MAML3: variants seen among roughly 807,000 people sequenced by gnomAD.
MAML3 encodes mastermind-like protein 3.
A neutral mutation model predicts 101.9 loss-of-function variants in MAML3; 27 were observed. The observed-to-expected ratio is 0.27, with a 90% CI of 0.20 to 0.37. MAML3 has a LOEUF of 0.37. Among genes scored for constraint, MAML3 ranks in the 10% least tolerant of loss-of-function variants. The probability of loss-of-function intolerance (pLI) is 1.00; values close to 1 mark genes in which losing one functional copy is unlikely to be tolerated. For missense variants in MAML3, 1,316 were observed against 1,444.9 expected, an observed-to-expected ratio of 0.91 and a Z score of 1.45; for synonymous variants, 501 against 555.9, an observed-to-expected ratio of 0.90 and a Z score of 1.39.
intron 2 of MAML3, among the ~76,000 whole-genome samples, chr4:139,789,181 T>C (rs1289750109): frequency 1.3e-5 from 2 of 152,172 alleles, no homozygotes; most frequent in African/African-American, 2.4e-5. Context: ...TCATAGGGTA[T>C]ACAAAATGCT....
intron 2 of MAML3, among the ~76,000 whole-genome samples, chr4:139,844,910 A>G (rs1731416278): frequency 6.6e-6 from 1 of 151,842 alleles, no homozygotes; most frequent in Non-Finnish European, 1.5e-5. Flanking sequence ...GGCTCACACT[A>G]TTCACCTTCC....
intron 2 of MAML3, among the ~76,000 whole-genome samples, chr4:139,830,604 C>T (rs965320306): frequency 4.0e-5 from 6 of 151,726 alleles, no homozygotes; most frequent in East Asian, 1.9e-4. Context: ...TTAGTAGAGA[C>T]GGGGTTTCAC....
intron 1 of MAML3, among the ~76,000 whole-genome samples, chr4:140,100,961 CCA>C (rs1346274118): frequency 1.3e-5 from 2 of 152,114 alleles, no homozygotes; most frequent in Non-Finnish European, 2.9e-5. Flanking sequence ...AATGGAGAAA[CCA>C]CATGGAATGG....
At chr4:140,085,158 C>G (rs936692971) in intron 1 of MAML3, among the ~76,000 whole-genome samples, 4 of 152,106 alleles carry the variant, frequency 2.6e-5, no homozygotes, top group African/African-American at 9.7e-5. Context: ...AGCCACAGCA[C>G]GAAGAAACAA....
At chr4:139,777,614 C>G (rs771460090) in intron 2 of MAML3, among the ~76,000 whole-genome samples, 1 of 152,240 alleles carries the variant, frequency 6.6e-6, no homozygotes, top group Non-Finnish European at 1.5e-5. Flanking sequence ...GAAGCCCTGA[C>G]TCCCTGGGTT....
At chr4:139,855,187 T>C (rs574605025) in intron 2 of MAML3, among the ~76,000 whole-genome samples, 1 of 152,314 alleles carries the variant, frequency 6.6e-6, no homozygotes, top group East Asian at 1.9e-4. Flanking sequence ...GTGTTACATG[T>C]TAAGCAATTC....
At chr4:140,115,512 G>A (rs1440544619) in intron 1 of MAML3, among the ~76,000 whole-genome samples, 2 of 152,164 alleles carry the variant, frequency 1.3e-5, no homozygotes, top group South Asian at 2.1e-4. Flanking sequence ...AAATTAATGA[G>A]TGCAGGAGAC....
At chr4:140,091,163 C>A (rs878942521) in intron 1 of MAML3, among the ~76,000 whole-genome samples, 1 of 152,216 alleles carries the variant, frequency 6.6e-6, no homozygotes, top group South Asian at 2.1e-4. Flanking sequence ...CTGGTAATTT[C>A]ATGAAGTCTG....
chr4:140,101,546 C>G (rs1339255945), intron 1 of MAML3, among the ~76,000 whole-genome samples: 1 of 152,162 alleles, frequency 6.6e-6, no homozygotes, highest in East Asian at 1.9e-4. Context: ...TAGAATTCTA[C>G]TCAGGAAGCC....
intron 1 of MAML3, among the ~76,000 whole-genome samples, chr4:140,033,282 A>G (rs1578651787): frequency 6.6e-6 from 1 of 152,244 alleles, no homozygotes; most frequent in Non-Finnish European, 1.5e-5. Context: ...AAAGATGACC[A>G]TGAATAGAGG....
chr4:140,057,044 A>C (rs1727360916), intron 1 of MAML3, among the ~76,000 whole-genome samples: 1 of 152,196 alleles, frequency 6.6e-6, no homozygotes, highest in Non-Finnish European at 1.5e-5. Flanking sequence ...AAGCATAATA[A>C]ATAACAAAGT....
chr4:139,968,503 A>G (rs943685989), intron 1 of MAML3, among the ~76,000 whole-genome samples: 1 of 152,106 alleles, frequency 6.6e-6, no homozygotes, highest in Non-Finnish European at 1.5e-5. Context: ...TTGGCAAGTC[A>G]GCAGGCAAAA....
intron 1 of MAML3, among the ~76,000 whole-genome samples, chr4:139,943,144 T>C (rs927766504): frequency 2.6e-5 from 4 of 152,198 alleles, no homozygotes; most frequent in East Asian, 1.9e-4. Context: ...ACTTAAAATA[T>C]AGGATTGTTT....
intron 1 of MAML3, among the ~76,000 whole-genome samples, chr4:140,053,512 G>A (rs1000654452): frequency 3.9e-5 from 6 of 152,020 alleles, no homozygotes; most frequent in East Asian, 1.9e-4. Flanking sequence ...TAACTTAATC[G>A]TGCCATATCT....
Position 140,153,490 on chromosome 4 carries a change from G to T in MAML3, c.-163C>A, listed in dbSNP as rs1056268182. ...CGACGGGGCGAAAAAAACGGGGGGG[G>T]AGATTTTGGGGTGGTTTTTGTTTCC... On this transcript the variant is annotated 5_prime_UTR_variant, in exon 1 of 5. Transcript: ENST00000509479. The T allele has an allele frequency of 4.0e-6, 3 of 751,384 alleles. No homozygotes were observed. Among genetic ancestry groups the T allele is most frequent in the African/African-American group, 1.8e-5 (1 of 54,528 alleles). The allele number at this position is 751,384 out of a possible 1,614,324, so 46.5% of individuals were successfully genotyped here.
chr4:139,860,126 A>G (rs2111164385), intron 2 of MAML3, among the ~76,000 whole-genome samples: 1 of 152,300 alleles, frequency 6.6e-6, no homozygotes, highest in East Asian at 1.9e-4. Flanking sequence ...CAACTCGAAA[A>G]CCCACAGCCT....
At chr4:139,848,688 T>C (rs981094521) in intron 2 of MAML3, among the ~76,000 whole-genome samples, 7 of 152,174 alleles carry the variant, frequency 4.6e-5, no homozygotes, top group African/African-American at 1.4e-4. Flanking sequence ...TGCACTTACG[T>C]CTTATATAAA....
intron 1 of MAML3, among the ~76,000 whole-genome samples, chr4:140,152,585 A>G (rs1241369861): frequency 6.6e-6 from 1 of 151,606 alleles, no homozygotes; most frequent in Non-Finnish European, 1.5e-5. Flanking sequence ...CCTCACTCCG[A>G]CGCTCCTCTA....
intron 1 of MAML3, among the ~76,000 whole-genome samples, chr4:140,092,878 T>G (rs1170910291): frequency 6.7e-6 from 1 of 150,338 alleles, no homozygotes; most frequent in Non-Finnish European, 1.5e-5. Context: ...AAAGAAAAAT[T>G]TGAGCCCTAA....
Sources: allele counts gnomAD v4.1 joint callset (sites outside exome capture counted in the v4.1 genomes callset), GRCh38; gene constraint gnomAD v4.1.1; transcripts MANE v1.5; gene names NCBI Gene and HGNC (gene_info 2026-07-23, HGNC 2026-07-21).